Variants in GASK1B observed in about 807,000 individuals in gnomAD.
GASK1B encodes the protein Golgi-associated kinase 1B.
GASK1B carries 34 observed loss-of-function variants against 42.8 expected under a neutral mutation model. That is an observed-to-expected ratio of 0.79 (90% CI 0.60 to 1.06). The LOEUF (loss-of-function observed/expected upper bound fraction) is 1.06. Ranked by LOEUF, GASK1B falls within the 50% of genes least tolerant of loss-of-function variation. GASK1B has a pLI of 0.00. For synonymous variants in GASK1B, 262 were observed against 259.1 expected (o/e 1.01, Z -0.11); for missense variants, 686 against 661.0 (o/e 1.04, Z -0.42).
chr4:158,127,513 C>T lies in GASK1B; in HGVS notation c.1454G>A (p.Gly485Asp), dbSNP rs776410355. The change falls in exon 5 of 5, where the codon GGT (glycine) becomes GAT (aspartate). Residue 485 changes from glycine (G) to aspartate (D), a missense_variant. Gly to Asp is a moderately conservative substitution (Grantham distance 94, BLOSUM62 -1). Coordinates refer to ENST00000585682, the MANE Select transcript of GASK1B (RefSeq NM_001128424.2). ...GATAAGCTTTTCAATTCCTTGTCTA[C>T]CTCCTTGACTTTCCCAATACACTTT... ...LDKVYWESQG[G>D]RQGIEKLIDV... is the part of the protein sequence containing the mutation. The T allele has an allele frequency of 1.2e-6, 2 of 1,613,802 alleles. No individual in the cohort carries two copies. The highest frequency in any genetic ancestry group is 1.1e-5 in the South Asian group (1 of 91,082).
rs1730379959 is a variant in GASK1B, at chr4:158,124,551, C to T, written c.*2856G>A. 2 of 152,118 alleles carry T rather than the reference C, an allele frequency of 1.3e-5. No homozygotes were observed. The highest frequency in any genetic ancestry group is 2.9e-5 in the Non-Finnish European group (2 of 68,024). The allele number at this position is 152,118 out of a possible 1,614,324, so 9.4% of individuals were successfully genotyped here. On this transcript the variant is annotated 3_prime_UTR_variant, in exon 5 of 5. Transcript: ENST00000585682. The stretch of plus-strand genomic sequence containing the variant: ...TAAATGTGTGCTTGTTCTGTGCTGA[C>T]ATAAACATAAGAATTTCATAAGACA...
At chr4:158,144,866 T>C (rs1159054069) in intron 3 of GASK1B, among the ~76,000 whole-genome samples, 4 of 152,224 alleles carry the variant, frequency 2.6e-5, no homozygotes, top group African/African-American at 7.2e-5. Flanking sequence ...CTAGAGGTCA[T>C]TTAGTTTGGC....
In GASK1B at chr4:158,127,352, A is replaced by C; in HGVS notation, c.*55T>G. On this transcript the variant is annotated 3_prime_UTR_variant, in exon 5 of 5. Transcript: ENST00000585682. The stretch of plus-strand genomic sequence containing the variant: ...TTGAGGTTGATGTGCTTGATTTAAA[A>C]ACAAAACCAAAAATGCATAAATATA... The C allele has an allele frequency of 6.6e-7, 1 of 1,520,444 alleles. No homozygotes were observed. The highest frequency in any genetic ancestry group is 9.0e-7 in the Non-Finnish European group (1 of 1,110,916). 94.2% of individuals were successfully genotyped at this position (1,520,444 alleles called of 1,614,324 possible).
rs775469210 is a variant in GASK1B, at chr4:158,171,344, A to G, written c.32T>C (p.Ile11Thr). Residue 11 changes from isoleucine (I) to threonine (T), a missense_variant, in exon 2 of 5, where the codon ATA becomes ACA. By Grantham distance (89) the Ile-to-Thr change is moderately conservative. Transcript: ENST00000585682. The part of the protein sequence containing the change: MTCPDKPGQL[I>T]NWFICSLCVP... ...GCACAGGGAGCAGATGAACCAGTTTATGAGCTGCCCCGGCTTGTCTGGACA... is the reference window on the plus strand; with the variant it reads ...GCACAGGGAGCAGATGAACCAGTTTGTGAGCTGCCCCGGCTTGTCTGGACA... 6.2e-7 allele frequency: 1 copy of G among 1,604,652 alleles called. No homozygotes were observed. The highest frequency in any genetic ancestry group is 8.5e-7 in the Non-Finnish European group (1 of 1,174,164).
chr4:158,131,889 T>C (rs1318963836), intron 3 of GASK1B, among the ~76,000 whole-genome samples: 2 of 152,102 alleles, frequency 1.3e-5, no homozygotes, highest in Admixed American at 1.3e-4. Context: ...CTCGAACACC[T>C]GGTAGAAAGA....
intron 3 of GASK1B, among the ~76,000 whole-genome samples, chr4:158,144,167 A>G (rs1372246763): frequency 2.6e-5 from 4 of 152,176 alleles, no homozygotes; most frequent in Non-Finnish European, 4.4e-5. Context: ...CCCAATAAAT[A>G]CCAAGTTTTC....
intron 3 of GASK1B, among the ~76,000 whole-genome samples, chr4:158,154,760 A>G (rs1347678309): frequency 6.6e-6 from 1 of 152,224 alleles, no homozygotes; most frequent in Non-Finnish European, 1.5e-5. Flanking sequence ...TCAGGAATGG[A>G]AAACCAAACA....
chr4:158,130,694 A>T, intron 4 of GASK1B, 92 bp downstream of exon 4: 1 of 956,378 alleles, frequency 1.0e-6, no homozygotes, highest in Non-Finnish European at 1.6e-6. Context: ...TCAAGGGTTA[A>T]AATGATCAGA....
chr4:158,154,459 T>C (rs1238591119), intron 3 of GASK1B, among the ~76,000 whole-genome samples: 1 of 151,998 alleles, frequency 6.6e-6, no homozygotes, highest in South Asian at 2.1e-4. Flanking sequence ...GAAGATTCCT[T>C]AAAGAACTAA....
At chr4:158,154,551 C>T (rs1731685747) in intron 3 of GASK1B, among the ~76,000 whole-genome samples, 1 of 152,230 alleles carries the variant, frequency 6.6e-6, no homozygotes, top group Admixed American at 6.5e-5. Context: ...AAAAAAGACA[C>T]TTGCACATGC....
intron 3 of GASK1B, among the ~76,000 whole-genome samples, chr4:158,151,120 C>T (rs182930195): frequency 6.6e-4 from 101 of 151,940 alleles, no homozygotes; most frequent in African/African-American, 2.1e-3. Context: ...CTAAAATGGG[C>T]GAAGGGAAAG....
chr4:158,172,680 T>C (rs910213547), intron 1 of GASK1B, 188 bp downstream of exon 1: 3 of 152,148 alleles, frequency 2.0e-5, no homozygotes, highest in African/African-American at 7.2e-5. Flanking sequence ...AGCCCTCTAG[T>C]GTCCTGTTCG....
intron 3 of GASK1B, among the ~76,000 whole-genome samples, chr4:158,134,676 T>TTGG (rs761756816): frequency 6.6e-6 from 1 of 152,148 alleles, no homozygotes; most frequent in Non-Finnish European, 1.5e-5. Context: ...GCCAAATTTT[T>TTGG]TGGTGGTGGT....
chr4:158,138,831 C>T lies in GASK1B; in HGVS notation c.1126-7819G>A, dbSNP rs974837160. On this transcript the variant is annotated intron_variant, in intron 3 of 4. Transcript: ENST00000585682. ...GAAAAAATAAATTAATTTTGACAGC[C>T]TAATTATTTTCTGGCCACTAAAAAT... 2.0e-5 allele frequency among the ~76,000 whole-genome samples: 3 copies of T among 151,958 alleles called. No individual in the cohort carries two copies. The East Asian group carries it at 5.8e-4, about 29-fold the overall frequency.
intron 2 of GASK1B, among the ~76,000 whole-genome samples, chr4:158,165,660 T>A (rs1023149224): frequency 6.6e-6 from 1 of 152,194 alleles, no homozygotes; most frequent in Non-Finnish European, 1.5e-5. Flanking sequence ...CATGCTAAAA[T>A]TTGCACATTT....
At position 158,171,504 on chromosome 4, in the gene GASK1B, G is replaced by T; in HGVS notation, c.-129C>A. 1 of 976,942 alleles carries T rather than the reference G, an allele frequency of 1.0e-6. No homozygotes were observed. Among genetic ancestry groups the T allele is most frequent in the Non-Finnish European group, 1.4e-6 (1 of 697,858 alleles). 60.5% of individuals were successfully genotyped at this position (976,942 alleles called of 1,614,324 possible). ...ATATAAGTGGTCTCCAGTGGGCAGA[G>T]GTGGAAGGAAAGGGTTGGTGATGAA... On this transcript the variant is annotated 5_prime_UTR_variant, in exon 2 of 5. Coordinates refer to ENST00000585682, the MANE Select transcript of GASK1B (RefSeq NM_001128424.2).
At chr4:158,168,099 C>A (rs368739149) in intron 2 of GASK1B, among the ~76,000 whole-genome samples, 41 of 152,222 alleles carry the variant, frequency 2.7e-4, no homozygotes, top group African/African-American at 9.2e-4. Context: ...ACTGGCCTGA[C>A]TTTGTGACTC....
At chr4:158,165,789 C>T (rs1732207814) in intron 2 of GASK1B, among the ~76,000 whole-genome samples, 1 of 152,096 alleles carries the variant, frequency 6.6e-6, no homozygotes, top group African/African-American at 2.4e-5. Flanking sequence ...AATTTCATTG[C>T]TCTCTAGGTA....
chr4:158,131,175 C>T (rs559113383), intron 3 of GASK1B, among the ~76,000 whole-genome samples, 163 bp from the exon 4 acceptor site: 6 of 152,296 alleles, frequency 3.9e-5, no homozygotes, highest in African/African-American at 1.4e-4. Context: ...GTCCAAGGTT[C>T]ATATCCTTCT....
Sources: allele counts gnomAD v4.1 joint callset (sites outside exome capture counted in the v4.1 genomes callset), GRCh38; gene constraint gnomAD v4.1.1; transcripts MANE v1.5; gene names NCBI Gene and HGNC (gene_info 2026-07-23, HGNC 2026-07-21).